The following IL17REL variants were observed in gnomAD, a reference collection of about 807,000 sequenced individuals.
The protein encoded by IL17REL is interleukin-17 receptor E-like protein.
A neutral mutation model predicts 49.0 loss-of-function variants in IL17REL; 36 were observed. The ratio of observed to expected loss-of-function variants is 0.73; its 90% CI spans 0.56 to 0.97. The LOEUF is 0.97. Among genes scored for constraint, IL17REL ranks in the 50% least tolerant of loss-of-function variants. The pLI is 0.00. For synonymous variants in IL17REL, 206 were observed against 192.4 expected (o/e 1.07, Z -0.58); for missense variants, 470 against 453.9 (o/e 1.04, Z -0.32).
intron 4 of IL17REL, among the ~76,000 whole-genome samples, 58 bp from the exon 6 acceptor site, chr22:50,000,298 T>A (rs1394578325): frequency 6.6e-6 from 1 of 152,160 alleles, no homozygotes; most frequent in Non-Finnish European, 1.5e-5. Context: ...GGGGCCATCC[T>A]CCTCCACCCG....
upstream of IL17REL, among the ~76,000 whole-genome samples, chr22:50,011,406 G>A (rs1036001916): frequency 2.0e-5 from 3 of 151,846 alleles, no homozygotes; most frequent in African/African-American, 7.3e-5. Context: ...ACCTCGGACC[G>A]GGAGGCTGCC....
chr22:49,998,191 C>T (rs777830840), exon 8 of IL17REL: 2 of 1,611,198 alleles, frequency 1.2e-6, no homozygotes, highest in East Asian at 2.2e-5. Context: ...CGGCCCCCGG[C>T]CCCGGGCGCC....
chr22:50,000,508 C>T lies in IL17REL; in HGVS notation c.304G>A (p.Val102Ile), dbSNP rs142439884. Residue 102 changes from valine to isoleucine, a missense_variant, in exon 4 of 13, where the codon GTC (valine) becomes ATC (isoleucine). Physicochemically the swap from Val to Ile is conservative, Grantham distance 29. Transcript: ENST00000341280. ...ACGAGGTGCCTCTGGTCCAGCTGGA[C>T]CCCGCAGAAATGAGGGATGGTCCTC... is the stretch of plus-strand genomic sequence containing the variant. 1.2e-5 allele frequency: 20 copies of T among 1,613,366 alleles called. No homozygotes were observed. In the African/African-American group the frequency reaches 1.6e-4, roughly 13 times the overall value.
At chr22:49,998,966 T>C (rs2061056679) in intron 7 of IL17REL, among the ~76,000 whole-genome samples, 1 of 152,106 alleles carries the variant, frequency 6.6e-6, no homozygotes, top group Non-Finnish European at 1.5e-5. Context: ...TGGGTGTCTG[T>C]GCATGTGTGT....
upstream of IL17REL, among the ~76,000 whole-genome samples, chr22:50,011,830 C>T (rs2061143021): frequency 6.6e-6 from 1 of 152,236 alleles, no homozygotes; most frequent in South Asian, 2.1e-4. Flanking sequence ...GCTGGATGTC[C>T]CCGCAAGTGT....
At chr22:50,006,085 G>A (rs868466743) in intron 1 of IL17REL, among the ~76,000 whole-genome samples, 36 of 152,098 alleles carry the variant, frequency 2.4e-4, no homozygotes, top group African/African-American at 7.7e-4. Context: ...AACCCAGTGG[G>A]AGCTGAGGGC....
chr22:49,997,936 C>A, intron 9 of IL17REL, 89 bp downstream of exon 11: 2 of 1,535,784 alleles, frequency 1.3e-6, no homozygotes, highest in Non-Finnish European at 1.8e-6. Flanking sequence ...GGCTCCAGGG[C>A]TGGGCAAGGG....
At chr22:49,998,386 T>C (rs2061050686) in intron 7 of IL17REL, 77 bp from the exon 10 acceptor site, 1 of 1,403,776 alleles carries the variant, frequency 7.1e-7, no homozygotes, top group Middle Eastern at 1.8e-4. Context: ...TAGCACCCAC[T>C]CAAGTGACCA....
At chr22:50,001,613 G>A (rs1009095662) in intron 1 of IL17REL, among the ~76,000 whole-genome samples, 2 of 152,204 alleles carry the variant, frequency 1.3e-5, no homozygotes, top group Non-Finnish European at 2.9e-5. Flanking sequence ...GGGCTTGCTG[G>A]GACACCTGGG....
At chr22:50,005,577 G>A (rs190944872) in intron 1 of IL17REL, among the ~76,000 whole-genome samples, 19 of 152,178 alleles carry the variant, frequency 1.2e-4, no homozygotes, top group East Asian at 1.2e-3. Flanking sequence ...CGAGGCGGGC[G>A]GATCACTTCG....
intron 1 of IL17REL, among the ~76,000 whole-genome samples, chr22:50,006,461 G>T (rs1432196420): frequency 6.6e-6 from 1 of 152,088 alleles, no homozygotes; most frequent in Non-Finnish European, 1.5e-5. Context: ...AGGAAGCAGA[G>T]AGCCCAGAGT....
chr22:50,005,599 C>G (rs964203925), intron 1 of IL17REL, among the ~76,000 whole-genome samples: 1 of 151,952 alleles, frequency 6.6e-6, no homozygotes, highest in Non-Finnish European at 1.5e-5. Flanking sequence ...GTCAGGAGTT[C>G]GAGACCAGCC....
Position 49,998,322 on chromosome 22 carries a change from T to A in IL17REL, c.602-13A>T. On this transcript the variant is annotated splice_polypyrimidine_tract_variant and intron_variant, in intron 7 of 12. Coordinates refer to ENST00000341280, the Ensembl canonical transcript of IL17REL. The stretch of plus-strand genomic sequence containing the variant: ...AGTGCCTCAGTGTCTGCAGGAACCC[T>A]CCCCGAAACACAGGTCAGTTGGGCC... 1 of 1,587,288 alleles carries A rather than the reference T, an allele frequency of 6.3e-7. No individual in the cohort carries two copies. The highest frequency in any genetic ancestry group is 1.1e-5 in the South Asian group (1 of 87,196).
At chr22:49,992,302 G>A (rs1404602294), downstream of IL17REL, among the ~76,000 whole-genome samples, 7 of 152,202 alleles carry the variant, frequency 4.6e-5, no homozygotes, top group Admixed American at 3.9e-4. Flanking sequence ...TCCACAAGCT[G>A]ACTCTCGCTG....
intron 7 of IL17REL, 92 bp downstream of exon 9, chr22:49,999,199 T>A: frequency 6.8e-7 from 1 of 1,478,428 alleles, no homozygotes; most frequent in Non-Finnish European, 9.5e-7. Context: ...GCCTGCTCCT[T>A]ATCTCATCCC....
At chr22:50,002,147 G>T (rs1255133472) in intron 1 of IL17REL, among the ~76,000 whole-genome samples, 1 of 152,224 alleles carries the variant, frequency 6.6e-6, no homozygotes, top group East Asian at 1.9e-4. Flanking sequence ...TTGGTTGCAG[G>T]CCGATCCTCC....
rs969629161 is a variant in IL17REL at position 49,996,981 on chromosome 22, C to G, written c.*44+13G>C. On this transcript the variant is annotated intron_variant, in intron 12 of 12. Transcript: ENST00000341280. ...GGAGATGGCTAGGGGCTGGGCACAG[C>G]AGCGACACCCACCTGGATGCAGATG... 2.1e-6 allele frequency: 3 copies of G among 1,402,960 alleles called. No individual in the cohort carries two copies. Among genetic ancestry groups the G allele is most frequent in the Admixed American group, 2.4e-5 (1 of 41,904 alleles). 86.9% of individuals were successfully genotyped at this position (1,402,960 alleles called of 1,614,324 possible). A position where few individuals can be genotyped will look rare whatever the true frequency, so the allele number is the denominator to read the frequency against.
chr22:50,000,291 G>A (rs1237531310), intron 4 of IL17REL, among the ~76,000 whole-genome samples, 51 bp from the exon 6 acceptor site: 1 of 152,214 alleles, frequency 6.6e-6, no homozygotes, highest in African/African-American at 2.4e-5. Context: ...GCCCTCAGGG[G>A]CCATCCTCCT....
chr22:49,998,365 C>T lies in IL17REL; in HGVS notation c.602-56G>A, dbSNP rs558259583. Reference sequence around the variant, plus strand: ...GTTGGGCCCTACCCTGGCTGCCAGGCCCATGGGGTCTAGCACCCACTCAAG... The same window carrying T: ...GTTGGGCCCTACCCTGGCTGCCAGGTCCATGGGGTCTAGCACCCACTCAAG... On this transcript the variant is annotated intron_variant, in intron 7 of 12. Coordinates refer to ENST00000341280, the Ensembl canonical transcript of IL17REL. 125 of 1,523,428 alleles carry T rather than the reference C, an allele frequency of 8.2e-5. 4 individuals are homozygous for T. The South Asian group carries it at 1.4e-3, about 17-fold the overall frequency. The allele number at this position is 1,523,428 out of a possible 1,614,324, so 94.4% of individuals were successfully genotyped here.
Sources: allele counts gnomAD v4.1 joint callset (sites outside exome capture counted in the v4.1 genomes callset), GRCh38; gene constraint gnomAD v4.1.1; transcripts MANE v1.5; gene names NCBI Gene and HGNC (gene_info 2026-07-23, HGNC 2026-07-21).